Variants in SCAPER observed in about 807,000 individuals in gnomAD.
SCAPER encodes the protein S-phase cyclin A associated protein in the ER, also known as S phase cyclin A-associated protein in the endoplasmic reticulum.
In SCAPER, 98 loss-of-function variants were observed where a neutral mutation model predicts 182.2. The ratio of observed to expected loss-of-function variants is 0.54; its 90% confidence interval spans 0.46 to 0.64. The LOEUF is 0.64. SCAPER is among the 30% of genes least tolerant of loss of function. SCAPER has a pLI of 0.00. For synonymous variants in SCAPER, 605 were observed against 564.6 expected (o/e 1.07, Z -1.01); for missense variants, 1,432 against 1,690.0 (o/e 0.85, Z 2.68).
In SCAPER at chr15:76,726,156, A is replaced by ATATATATATATATATATATATATATATAT. The variant is rs56986282; in HGVS notation, c.2165+2438_2165+2439insATATATATATATATATATATATATATATA. On this transcript the variant is annotated intron_variant, in intron 17 of 31. Transcript: ENST00000563290. ...ATATATATATATATATATATATATA[A>ATATATATATATATATATATATATATATAT]AAAACTCTATAACCCAACAAGAAAA... Among the ~76,000 whole-genome samples, 28 of 79,712 alleles carry ATATATATATATATATATATATATATATAT rather than the reference A, an allele frequency of 3.5e-4. 4 individuals carry two copies. Among genetic ancestry groups the ATATATATATATATATATATATATATATAT allele is most frequent in the African/African-American group, 4.1e-4 (8 of 19,324 alleles). The allele number at this position is 79,712 out of a possible 152,430, so 52.3% of individuals were successfully genotyped here.
chr15:76,643,508 C>T (rs1001434496), intron 21 of SCAPER, among the ~76,000 whole-genome samples: 1 of 151,854 alleles, frequency 6.6e-6, no homozygotes, highest in African/African-American at 2.4e-5. Flanking sequence ...ATGGTGAAAC[C>T]CCGTCTCTAC....
At chr15:76,652,909 C>T (rs924046538) in intron 21 of SCAPER, among the ~76,000 whole-genome samples, 1 of 151,924 alleles carries the variant, frequency 6.6e-6, no homozygotes, top group South Asian at 2.1e-4. Context: ...TAAAAGGTAT[C>T]TAAATAGGAA....
intron 23 of SCAPER, among the ~76,000 whole-genome samples, chr15:76,538,859 C>G (rs2044458485): frequency 6.6e-6 from 1 of 152,068 alleles, no homozygotes; most frequent in East Asian, 1.9e-4. Context: ...CCACGTCAGC[C>G]AAAATGTTGA....
intron 20 of SCAPER, among the ~76,000 whole-genome samples, chr15:76,676,996 A>G (rs2057405436): frequency 1.3e-5 from 2 of 152,036 alleles, no homozygotes; most frequent in African/African-American, 4.8e-5. Flanking sequence ...TTGTTGTACA[A>G]TATCTGTTGT....
At chr15:76,440,347 T>C (rs1402855603) in intron 25 of SCAPER, among the ~76,000 whole-genome samples, 3 of 152,230 alleles carry the variant, frequency 2.0e-5, no homozygotes, top group Non-Finnish European at 4.4e-5. Context: ...TTTTTTCCCA[T>C]TGCCAAAGTG....
At chr15:76,904,921 C>G (rs1005905493) in intron 1 of SCAPER, 2 of 152,408 alleles carry the variant, frequency 1.3e-5, no homozygotes. Context: ...GAAGCCTCGT[C>G]ACCCGCGGCC....
At chr15:76,367,258 C>T (rs555962112) in intron 29 of SCAPER, among the ~76,000 whole-genome samples, 1 of 152,246 alleles carries the variant, frequency 6.6e-6, no homozygotes, top group African/African-American at 2.4e-5. Context: ...AATATTTGTT[C>T]CATTGTGATG....
rs150105318 is a variant in SCAPER, at chr15:76,776,202, G to A, written c.773-1085C>T. The stretch of plus-strand genomic sequence containing the variant: ...TCAACAGTCTCCAAAAACATCAATA[G>A]GCAAAGACAAAATAGGCATCAAGAA... On this transcript the variant is annotated intron_variant, in intron 8 of 31. Transcript: ENST00000563290. Among the ~76,000 whole-genome samples the A allele has an allele frequency of 2.8e-3, 422 of 152,184 alleles. 1 individual carries two copies. Among genetic ancestry groups the A allele is most frequent in the Non-Finnish European group, 5.2e-3 (352 of 68,004 alleles).
At chr15:76,523,538 A>T (rs2042973817) in intron 23 of SCAPER, among the ~76,000 whole-genome samples, 1 of 152,084 alleles carries the variant, frequency 6.6e-6, no homozygotes, top group Non-Finnish European at 1.5e-5. Flanking sequence ...TTCCAAAGGC[A>T]ATTAAATTAC....
chr15:76,505,184 T>TC (rs1486186588), intron 23 of SCAPER, among the ~76,000 whole-genome samples: 10 of 152,110 alleles, frequency 6.6e-5, no homozygotes, highest in African/African-American at 2.4e-4. Context: ...GTTGCTGTCC[T>TC]CCATGAAGCT....
chr15:76,437,053 G>A (rs2047246169), intron 25 of SCAPER, among the ~76,000 whole-genome samples: 1 of 152,120 alleles, frequency 6.6e-6, no homozygotes, highest in Admixed American at 6.5e-5. Flanking sequence ...GTTTTTGTAT[G>A]GCTGTGCCTG....
At chr15:76,640,951 C>T (rs531043838) in intron 21 of SCAPER, among the ~76,000 whole-genome samples, 1 of 152,246 alleles carries the variant, frequency 6.6e-6, no homozygotes, top group East Asian at 1.9e-4. Context: ...GTTCATAGCT[C>T]TGGGAATGGA....
chr15:76,422,982 G>A (rs1472831193), intron 26 of SCAPER, among the ~76,000 whole-genome samples: 1 of 152,170 alleles, frequency 6.6e-6, no homozygotes, highest in East Asian at 1.9e-4. Flanking sequence ...ACTTGATCAT[G>A]GTGGATAAGC....
intron 25 of SCAPER, among the ~76,000 whole-genome samples, chr15:76,464,640 C>T (rs1471087416): frequency 1.3e-5 from 2 of 152,030 alleles, no homozygotes; most frequent in African/African-American, 2.4e-5. Flanking sequence ...TTTCTTTATC[C>T]ACTCATTTGT....
intron 25 of SCAPER, among the ~76,000 whole-genome samples, chr15:76,446,914 T>C (rs969302428): frequency 3.3e-5 from 5 of 152,226 alleles, no homozygotes; most frequent in Non-Finnish European, 7.4e-5. Flanking sequence ...CCTGTTTCAC[T>C]TTCAGTACAT....
chr15:76,775,686 T>C (rs2063707635), intron 8 of SCAPER, among the ~76,000 whole-genome samples: 1 of 152,144 alleles, frequency 6.6e-6, no homozygotes, highest in Non-Finnish European at 1.5e-5. Flanking sequence ...ATCAACAGCA[T>C]ACCTTGATTT....
At chr15:76,471,453 A>G in intron 24 of SCAPER, 118 bp from the exon 25 acceptor site, 1 of 1,141,782 alleles carries the variant, frequency 8.8e-7, no homozygotes, top group Non-Finnish European at 1.2e-6. Context: ...GTCACTCTAA[A>G]AACCAAGCCA....
intron 26 of SCAPER, 81 bp from the exon 27 acceptor site, chr15:76,404,760 C>A: frequency 6.8e-7 from 1 of 1,465,408 alleles, no homozygotes; most frequent in Non-Finnish European, 9.2e-7. Flanking sequence ...TGCTACCATA[C>A]ACAGGCTTGG....
At chr15:76,540,555 G>A (rs888500446) in intron 23 of SCAPER, among the ~76,000 whole-genome samples, 6 of 151,848 alleles carry the variant, frequency 4.0e-5, no homozygotes, top group African/African-American at 7.3e-5. Context: ...ATATATGAGT[G>A]TATATGTATA....
Sources: gnomAD v4.1 joint callset for allele counts (sites outside exome capture counted in the v4.1 genomes callset) on GRCh38, gnomAD v4.1.1 for gene constraint, MANE v1.5 for transcripts, NCBI Gene and HGNC (gene_info 2026-07-23, HGNC 2026-07-21) for gene names.